FBXW11: variants seen among roughly 807,000 people sequenced by gnomAD.
FBXW11 encodes F-box/WD repeat-containing protein 11.
Under a neutral mutation model 77.6 loss-of-function variants are expected in FBXW11, and 19 were observed. That is an observed-to-expected ratio of 0.24 (90% CI 0.17 to 0.36). FBXW11 has a LOEUF of 0.36. Among genes scored for constraint, FBXW11 ranks in the 10% least tolerant of loss-of-function variants. FBXW11 has a pLI of 1.00. For synonymous variants in FBXW11, 235 were observed against 249.4 expected (o/e 0.94, Z 0.54); for missense variants, 334 against 704.2 (o/e 0.47, Z 5.95).
chr5:171,876,270 T>C lies in FBXW11; in HGVS notation c.1221+15A>G. ...GGACAGGAACAGGTAGGGTTATGACTGCAGACATACTTACTTTGATGGTCC... is the reference window on the plus strand; with the variant it reads ...GGACAGGAACAGGTAGGGTTATGACCGCAGACATACTTACTTTGATGGTCC... On this transcript the variant is annotated intron_variant, in intron 9 of 13. Coordinates refer to ENST00000517395, the MANE Select transcript of FBXW11 (RefSeq NM_001378974.1). The surrounding 1 kb of genome is among the most constrained non-coding windows in gnomAD (Gnocchi z 4.2). The C allele has an allele frequency of 6.2e-7, 1 of 1,613,998 alleles. No homozygotes were observed. Among genetic ancestry groups the C allele is most frequent in the Non-Finnish European group, 8.5e-7 (1 of 1,179,912 alleles).
intron 6 of FBXW11, among the ~76,000 whole-genome samples, chr5:171,894,688 CTTT>C (rs142463470): frequency 0.029 from 3,722 of 130,172 alleles, 135 homozygotes; most frequent in African/African-American, 0.087. Flanking sequence ...TAACCCAGGT[CTTT>C]TTTTTTTTTT....
At chr5:171,900,636 G>T (rs1040000893) in intron 4 of FBXW11, among the ~76,000 whole-genome samples, 1 of 152,134 alleles carries the variant, frequency 6.6e-6, no homozygotes, top group African/African-American at 2.4e-5. Context: ...GCAAAACACC[G>T]ACTCATCTTG....
intron 7 of FBXW11, among the ~76,000 whole-genome samples, chr5:171,878,913 A>G (rs959235290): frequency 7.2e-5 from 11 of 152,210 alleles, no homozygotes; most frequent in Non-Finnish European, 1.6e-4. Flanking sequence ...TACAAAAACA[A>G]AAAGTGGAAA....
intron 9 of FBXW11, among the ~76,000 whole-genome samples, chr5:171,875,592 T>C (rs1036984543): frequency 9.9e-5 from 15 of 152,080 alleles, no homozygotes; most frequent in Non-Finnish European, 1.9e-4. Context: ...TTCAATCTTA[T>C]GGCATGGAAA....
At chr5:171,965,697 T>C (rs950236766) in intron 1 of FBXW11, among the ~76,000 whole-genome samples, 13 of 152,236 alleles carry the variant, frequency 8.5e-5, no homozygotes, top group East Asian at 1.9e-4. Flanking sequence ...CTCATATTAA[T>C]ACCTTAATAA....
chr5:171,970,661 G>A (rs901879558), intron 1 of FBXW11, among the ~76,000 whole-genome samples: 3 of 151,762 alleles, frequency 2.0e-5, no homozygotes, highest in Admixed American at 6.6e-5. Flanking sequence ...ATATACATAC[G>A]CCCACACAGA....
At chr5:171,963,071 C>T (rs780134402) in intron 1 of FBXW11, among the ~76,000 whole-genome samples, 1 of 152,004 alleles carries the variant, frequency 6.6e-6, no homozygotes, top group Non-Finnish European at 1.5e-5. Flanking sequence ...GTTCCATTAA[C>T]CAAAAAACTT....
intron 4 of FBXW11, among the ~76,000 whole-genome samples, chr5:171,901,431 T>C (rs1283765246): frequency 2.6e-5 from 4 of 152,226 alleles, no homozygotes; most frequent in Non-Finnish European, 5.9e-5. Context: ...TGAAAAATGC[T>C]TTACAAACTA....
intron 1 of FBXW11, among the ~76,000 whole-genome samples, chr5:171,993,917 A>G (rs1765890878): frequency 6.6e-6 from 1 of 152,194 alleles, no homozygotes; most frequent in South Asian, 2.1e-4. Flanking sequence ...CATATTGAAC[A>G]GTGCAGACAC....
chr5:171,937,014 T>C (rs1275792337), intron 2 of FBXW11, among the ~76,000 whole-genome samples: 1 of 152,266 alleles, frequency 6.6e-6, no homozygotes, highest in Non-Finnish European at 1.5e-5. Context: ...TGGAATTCTC[T>C]GTGAATCCAC....
chr5:171,962,604 A>T (rs1480403712), intron 1 of FBXW11, among the ~76,000 whole-genome samples: 1 of 152,228 alleles, frequency 6.6e-6, no homozygotes, highest in Non-Finnish European at 1.5e-5. Flanking sequence ...GAAACACCAT[A>T]AGTCAGTAAA....
intron 2 of FBXW11, among the ~76,000 whole-genome samples, chr5:171,954,920 T>C (rs890909914): frequency 5.9e-5 from 9 of 152,180 alleles, no homozygotes; most frequent in African/African-American, 2.2e-4. Flanking sequence ...GAAAACCAGT[T>C]TGGGAATCAG....
chr5:171,967,883 T>TATATATATATACAC (rs1244744249), intron 1 of FBXW11, among the ~76,000 whole-genome samples: 3 of 74,988 alleles, frequency 4.0e-5, no homozygotes, highest in African/African-American at 1.8e-4. Flanking sequence ...TATATATATA[T>TATATATATATACAC]ACACACACAC....
chr5:171,940,896 A>AG (rs1554103202), intron 2 of FBXW11, among the ~76,000 whole-genome samples: 6 of 149,754 alleles, frequency 4.0e-5, no homozygotes, highest in East Asian at 1.9e-4. Flanking sequence ...AAAAAAAAAA[A>AG]GATACAGACG....
chr5:171,892,925 T>C (rs17569783), intron 6 of FBXW11, among the ~76,000 whole-genome samples: 5,361 of 152,302 alleles, frequency 0.035, 169 homozygotes, highest in Non-Finnish European at 0.05. Context: ...TCTGCTGACA[T>C]CTAACAAACT....
At chr5:171,923,110 C>T (rs775168612) in intron 2 of FBXW11, among the ~76,000 whole-genome samples, 2 of 152,002 alleles carry the variant, frequency 1.3e-5, no homozygotes, top group Non-Finnish European at 2.9e-5. Context: ...GATGGGGTTT[C>T]GTCATGTTGG....
intron 9 of FBXW11, 22 bp from the exon 10 acceptor site, chr5:171,873,012 T>C: frequency 6.3e-7 from 1 of 1,586,826 alleles, no homozygotes; most frequent in Non-Finnish European, 8.6e-7. Flanking sequence ...ATTAACAGTA[T>C]TTTAAAGAAT....
At chr5:172,004,867 GCACACACACA>G (rs112994412) in intron 1 of FBXW11, among the ~76,000 whole-genome samples, 2 of 149,448 alleles carry the variant, frequency 1.3e-5, no homozygotes, top group African/African-American at 2.5e-5. Flanking sequence ...AACCCCACGT[GCACACACACA>G]CACACACACA....
intron 7 of FBXW11, among the ~76,000 whole-genome samples, chr5:171,880,273 G>C (rs1758411804): frequency 6.6e-6 from 1 of 152,084 alleles, no homozygotes; most frequent in African/African-American, 2.4e-5. Flanking sequence ...ATATATTTCT[G>C]GGCTCTCTAT....
Sources: allele counts gnomAD v4.1 joint callset (sites outside exome capture counted in the v4.1 genomes callset), GRCh38; gene constraint gnomAD v4.1.1; non-coding constraint Gnocchi (gnomAD v3.1); transcripts MANE v1.5; gene names NCBI Gene and HGNC (gene_info 2026-07-23, HGNC 2026-07-21).